Variants in LOXL4 observed in about 807,000 individuals in gnomAD.
The protein encoded by LOXL4 is lysyl oxidase homolog 4.
Under a neutral mutation model 89.1 loss-of-function variants are expected in LOXL4, and 72 were observed. That is an observed-to-expected ratio of 0.81 (90% CI 0.67 to 0.98). LOXL4 has a LOEUF of 0.98. LOXL4 is among the 50% of genes least tolerant of loss of function. The pLI is 0.00. For missense variants in LOXL4, 984 were observed against 1,017.5 expected (o/e 0.97, Z 0.45); for synonymous variants, 355 against 392.1 (o/e 0.91, Z 1.12).
At chr10:98,257,594 G>T in intron 8 of LOXL4, 56 bp downstream of exon 8, 1 of 1,574,508 alleles carries the variant, frequency 6.4e-7, no homozygotes, top group Non-Finnish European at 8.6e-7. Flanking sequence ...GTGTCCTGGG[G>T]ACTCCCCAGG....
intron 14 of LOXL4, 121 bp from the exon 15 acceptor site, chr10:98,249,112 G>C (rs1247012564): frequency 2.8e-6 from 2 of 723,144 alleles, no homozygotes; most frequent in Non-Finnish European, 4.9e-6. Context: ...CATGGGCACA[G>C]ACACCAATCA....
At position 98,253,758 on chromosome 10, in the gene LOXL4, C is replaced by A; in HGVS notation, c.1630G>T (p.Glu544Ter). The change falls in exon 11 of 15, where the codon GAG becomes TAG. Residue 544 changes from glutamate (E) to a stop codon, truncating the protein, a stop_gained. Transcript: ENST00000260702. LOFTEE classifies it high-confidence loss of function. ...GGGCGGTCCTCCAAGTAGGCCGTCT[C>A]CTGCACTAGCTGGGCGTTCATCACC... ...DLVMNAQLVQ[E>*]TAYLEDRPLS... 1.2e-6 allele frequency: 2 copies of A among 1,614,144 alleles called. No homozygotes were observed. The highest frequency in any genetic ancestry group is 8.5e-7 in the Non-Finnish European group (1 of 1,180,026).
Position 98,256,924 on chromosome 10 carries a change from G to A in LOXL4, c.1284C>T (p.Ile428=). ...QNQVRLAGGR[I]PEEGLLEVQV... is the part of the protein sequence containing the mutation. ...GCACCTCCAATAGCCCCTCCTCAGGGATACGCCCACCAGCCAAGCGCACCT... is the reference window on the plus strand; with the variant it reads ...GCACCTCCAATAGCCCCTCCTCAGGAATACGCCCACCAGCCAAGCGCACCT... Residue 428 remains isoleucine (I), a synonymous_variant, in exon 9 of 15, where the codon ATC becomes ATT. Transcript: ENST00000260702. 1 of 1,614,096 alleles carries A rather than the reference G, an allele frequency of 6.2e-7. No homozygotes were observed. The highest frequency in any genetic ancestry group is 8.5e-7 in the Non-Finnish European group (1 of 1,180,000).
chr10:98,251,207 G>T, intron 13 of LOXL4, 31 bp from the exon 14 acceptor site: 1 of 1,508,996 alleles, frequency 6.6e-7, no homozygotes. Context: ...ACTGAAAATG[G>T]GTGATTTGGT....
intron 1 of LOXL4, among the ~76,000 whole-genome samples, chr10:98,265,802 C>T (rs1054427498): frequency 1.2e-4 from 18 of 152,182 alleles, no homozygotes; most frequent in Non-Finnish European, 2.4e-4. Flanking sequence ...AGGCCACGTC[C>T]GATCTCAACT....
chr10:98,258,804 G>T (rs1338070931), intron 6 of LOXL4, among the ~76,000 whole-genome samples: 2 of 152,200 alleles, frequency 1.3e-5, no homozygotes, highest in African/African-American at 4.8e-5. Context: ...TTCAAGGCGG[G>T]TGATGTCAGC....
chr10:98,252,038 G>C, intron 12 of LOXL4: 1 of 480,960 alleles, frequency 2.1e-6, no homozygotes. Context: ...AGGGACTGTG[G>C]GTGTGCAGAC....
intron 6 of LOXL4, among the ~76,000 whole-genome samples, chr10:98,258,802 G>A (rs1029968368): frequency 7.2e-5 from 11 of 152,278 alleles, no homozygotes; most frequent in South Asian, 2.1e-4. Flanking sequence ...TATTCAAGGC[G>A]GGTGATGTCA....
Position 98,253,666 on chromosome 10 carries a change from C to G in LOXL4, c.1722G>C (p.Trp574Cys), listed in dbSNP as rs767384376. Residue 574 changes from tryptophan (W) to cysteine (C), a missense_variant, in exon 11 of 15, where the codon TGG (tryptophan) becomes TGC (cysteine). Transcript: ENST00000260702. ...CLSKSADHMD[W>C]PYGYRRLLRF... is the part of the protein sequence containing the mutation. ...GCAATAGGCGGCGGTATCCGTAGGG[C>G]CAGTCCATGTGATCCGCAGACTTGG... 6.2e-6 allele frequency: 10 copies of G among 1,614,126 alleles called. No individual in the cohort carries two copies. The African/African-American group carries it at 8.0e-5, about 13-fold the overall frequency.
intron 2 of LOXL4, 116 bp downstream of exon 2, chr10:98,262,626 CG>C: frequency 7.8e-7 from 1 of 1,277,130 alleles, no homozygotes; most frequent in South Asian, 1.4e-5. Flanking sequence ...CAGGAAATGC[CG>C]TGTGGAGGAG....
chr10:98,263,720 C>T (rs1025472329), intron 1 of LOXL4, among the ~76,000 whole-genome samples: 4 of 149,888 alleles, frequency 2.7e-5, no homozygotes, highest in Admixed American at 2.0e-4. Flanking sequence ...TTTCTTTTTT[C>T]TTTCTTTCTT....
rs767534906 is a variant in LOXL4, at chr10:98,262,919, A to G, written c.101T>C (p.Leu34Pro). ...CTCTGGCTTGCTCTCTGGGCCCACC[A>G]GCCGGAGCTTAGTGGTGCCCAGTGA... ...PQSLGTTKLRLVGPESKPEEG... is the reference protein window; with the variant it reads ...PQSLGTTKLRPVGPESKPEEG... The change falls in exon 2 of 15, where the codon CTG becomes CCG. Residue 34 changes from leucine to proline, a missense_variant. Leu to Pro is a moderately conservative substitution (Grantham distance 98, BLOSUM62 -3). Transcript: ENST00000260702. 6.2e-7 allele frequency: 1 copy of G among 1,613,670 alleles called. No homozygotes were observed. The highest frequency in any genetic ancestry group is 1.1e-5 in the South Asian group (1 of 91,080).
At chr10:98,267,320 G>T (rs1858707363) in intron 1 of LOXL4, among the ~76,000 whole-genome samples, 1 of 152,178 alleles carries the variant, frequency 6.6e-6, no homozygotes, top group Non-Finnish European at 1.5e-5. Flanking sequence ...GCTCTTCGCT[G>T]AATGCCGAGT....
At chr10:98,260,522 C>T (rs564757118) in intron 4 of LOXL4, among the ~76,000 whole-genome samples, 121 of 152,120 alleles carry the variant, frequency 8.0e-4, no homozygotes, top group South Asian at 1.7e-3. Context: ...TTACATAATT[C>T]GAGAGTGCAG....
rs529765548 is a variant in LOXL4, at chr10:98,250,964, C to T, written c.2200+101G>A. Reference sequence around the variant, plus strand: ...TCCATAGCCTTTTGCACACCACACACATACAAGTCACACGCTGGAGTGTGG... The same window carrying T: ...TCCATAGCCTTTTGCACACCACACATATACAAGTCACACGCTGGAGTGTGG... On this transcript the variant is annotated intron_variant, in intron 14 of 14. Transcript: ENST00000260702. The T allele has an allele frequency of 1.5e-5, 12 of 806,730 alleles. No individual in the cohort carries two copies. In the African/African-American group the frequency reaches 2.0e-4, roughly 13 times the overall value. The allele number at this position is 806,730 out of a possible 1,614,324, so 50.0% of individuals were successfully genotyped here. A position where few individuals can be genotyped will look rare whatever the true frequency, so the allele number is the denominator to read the frequency against.
chr10:98,248,871 G>A lies in LOXL4; in HGVS notation c.*50C>T. On this transcript the variant is annotated 3_prime_UTR_variant, in exon 15 of 15. Coordinates refer to ENST00000260702, the MANE Select transcript of LOXL4 (RefSeq NM_032211.7). ...TCTGTGAAGGGCATGGCTCCAATAA[G>A]CTGAGGTATCTGGTGTATCGGCAGC... 6.6e-7 allele frequency: 1 copy of A among 1,522,944 alleles called. No homozygotes were observed. The allele number at this position is 1,522,944 out of a possible 1,614,324, so 94.3% of individuals were successfully genotyped here. A position where few individuals can be genotyped will look rare whatever the true frequency, so the allele number is the denominator to read the frequency against.
chr10:98,263,250 T>C (rs1190294190), intron 1 of LOXL4, among the ~76,000 whole-genome samples, 199 bp from the exon 2 acceptor site: 1 of 152,078 alleles, frequency 6.6e-6, no homozygotes, highest in African/African-American at 2.4e-5. Flanking sequence ...TCCACCACAT[T>C]CGCCATGACC....
intron 1 of LOXL4, among the ~76,000 whole-genome samples, chr10:98,264,565 CT>C (rs1031379322): frequency 2.0e-5 from 3 of 151,846 alleles, no homozygotes; most frequent in Admixed American, 2.0e-4. Flanking sequence ...GAGAGGGCCC[CT>C]GTCTCCAGGA....
At chr10:98,255,861 T>C (rs1235600793) in intron 9 of LOXL4, 122 bp from the exon 10 acceptor site, 2 of 1,206,924 alleles carry the variant, frequency 1.7e-6, no homozygotes, top group African/African-American at 3.1e-5. Flanking sequence ...GGCCTGAAAA[T>C]CTTCAGTGAT....
Sources: allele counts gnomAD v4.1 joint callset (sites outside exome capture counted in the v4.1 genomes callset), GRCh38; gene constraint gnomAD v4.1.1; transcripts MANE v1.5; gene names NCBI Gene and HGNC (gene_info 2026-07-23, HGNC 2026-07-21).